Variants in LOXL3 observed in about 807,000 individuals in gnomAD.
LOXL3 encodes lysyl oxidase like 3.
LOXL3 carries 60 observed loss-of-function variants against 91.8 expected under a neutral mutation model. The observed-to-expected ratio is 0.65, with a 90% CI of 0.53 to 0.81. The LOEUF is 0.81. Among genes scored for constraint, LOXL3 ranks in the 30% least tolerant of loss-of-function variants. The pLI, the probability that LOXL3 is intolerant of heterozygous loss-of-function variation, is 0.00. For missense variants in LOXL3, 874 were observed against 1,000.4 expected (o/e 0.87, Z 1.70); for synonymous variants, 355 against 387.6 (o/e 0.92, Z 0.99).
Position 74,549,044 on chromosome 2 carries a change from G to C in LOXL3, c.692+325C>G. 5.1e-6 allele frequency: 1 copy of C among 194,702 alleles called. No individual in the cohort carries two copies. Among genetic ancestry groups the C allele is most frequent in the Non-Finnish European group, 1.0e-5 (1 of 95,890 alleles). 12.1% of individuals were successfully genotyped at this position (194,702 alleles called of 1,614,324 possible). ...CGGAAATCGCTGGCCGGCAGCGCCA[G>C]CGCTGGAATCGCCCCCGCGCCTGGG... On this transcript the variant is annotated intron_variant, in intron 4 of 13. Coordinates refer to ENST00000264094, the MANE Select transcript of LOXL3 (RefSeq NM_032603.5). This position sits in a 1 kb window ranked among gnomAD's most constrained non-coding sequence, Gnocchi z 5.3.
In LOXL3 at chr2:74,533,367, C is replaced by A; in HGVS notation, c.*239G>T. On this transcript the variant is annotated 3_prime_UTR_variant, in exon 14 of 14. Transcript: ENST00000264094. ...GTGCTGCTCTTTGTGGTGTGGTGGG[C>A]TCTGGTCTGTTCTGCTCGGTGCTGG... is the stretch of plus-strand genomic sequence containing the variant. The A allele has an allele frequency of 1.8e-6, 1 of 550,938 alleles. No individual in the cohort carries two copies. 34.1% of individuals were successfully genotyped at this position (550,938 alleles called of 1,614,324 possible).
upstream of LOXL3, chr2:74,554,416 T>G: frequency 2.9e-6 from 1 of 348,682 alleles, no homozygotes; most frequent in Admixed American, 4.6e-5. The surrounding 1 kb of genome is among the most constrained non-coding windows in gnomAD (Gnocchi z 4.9). Flanking sequence ...TTCGGGGTGA[T>G]GTCATGGCTT....
rs537458148 is a variant in LOXL3, at chr2:74,535,935, T to C, written c.1248+61A>G. On this transcript the variant is annotated intron_variant, in intron 7 of 13. Transcript: ENST00000264094. The surrounding 1 kb of genome is among the most constrained non-coding windows in gnomAD (Gnocchi z 4.2). ...GGGCTGGGGGCCATTGGACTGTAGATTGGAGACCAGACCTGGATAGGATGA... is the reference window on the plus strand; with the variant it reads ...GGGCTGGGGGCCATTGGACTGTAGACTGGAGACCAGACCTGGATAGGATGA... The C allele has an allele frequency of 1.3e-6, 2 of 1,515,752 alleles. No individual in the cohort carries two copies. The highest frequency in any genetic ancestry group is 2.2e-5 in the Admixed American group (1 of 45,226). 93.9% of individuals were successfully genotyped at this position (1,515,752 alleles called of 1,614,324 possible). A position where few individuals can be genotyped will look rare whatever the true frequency, so the allele number is the denominator to read the frequency against.
chr2:74,547,013 C>G (rs1245787781), intron 4 of LOXL3, among the ~76,000 whole-genome samples: 1 of 151,912 alleles, frequency 6.6e-6, no homozygotes, highest in East Asian at 1.9e-4. Flanking sequence ...CGTGCCCGGC[C>G]TTAGTTAATT....
At position 74,549,528 on chromosome 2, in the gene LOXL3, C is replaced by A; in HGVS notation, c.533G>T (p.Gly178Val). Reference sequence around the variant, plus strand: ...CTCCGTCACGGGCAGGGGTCGTCTGCCCCACCCAACGGCGGGTCGAATTCG... The same window carrying A: ...CTCCGTCACGGGCAGGGGTCGTCTGACCCACCCAACGGCGGGTCGAATTCG... ...EVRIRPAVGWGRRPLPVTEGL... is the reference protein window; with the variant it reads ...EVRIRPAVGWVRRPLPVTEGL... The change falls in exon 4 of 14, where the codon GGC (glycine) becomes GTC (valine). Residue 178 changes from glycine (G) to valine (V), a missense_variant. Coordinates refer to ENST00000264094, the MANE Select transcript of LOXL3 (RefSeq NM_032603.5). The surrounding 1 kb of genome is among the most constrained non-coding windows in gnomAD (Gnocchi z 5.3). The A allele has an allele frequency of 6.2e-7, 1 of 1,613,104 alleles. No homozygotes were observed. Among genetic ancestry groups the A allele is most frequent in the Admixed American group, 1.7e-5 (1 of 59,994 alleles).
In LOXL3 at chr2:74,534,153, C is replaced by A; in HGVS notation, c.2023G>T (p.Asp675Tyr). The A allele has an allele frequency of 6.2e-7, 1 of 1,614,186 alleles. No individual in the cohort carries two copies. ...GCWDLYRHDI[D>Y]CQWIDITDVK... ...TCCGTGATGTCAATCCACTGACAGT[C>A]AATGTCATGCCGGTAGAGATCCCAG... The change falls in exon 12 of 14, where the codon GAC becomes TAC. Residue 675 changes from aspartate (D) to tyrosine (Y), a missense_variant. Physicochemically the swap from Asp to Tyr is radical, Grantham distance 160. Coordinates refer to ENST00000264094, the MANE Select transcript of LOXL3 (RefSeq NM_032603.5).
chr2:74,547,004 G>A (rs566605627), intron 4 of LOXL3, among the ~76,000 whole-genome samples: 2 of 151,926 alleles, frequency 1.3e-5, no homozygotes, highest in Admixed American at 6.6e-5. Flanking sequence ...GTGAGCCACC[G>A]TGCCCGGCCT....
Position 74,532,854 on chromosome 2 carries a change from A to G in LOXL3, c.*752T>C. 6 of 1,614,150 alleles carry G rather than the reference A, an allele frequency of 3.7e-6. No homozygotes were observed. The highest frequency in any genetic ancestry group is 5.1e-6 in the Non-Finnish European group (6 of 1,180,038). ...GCGGCCTGGTGATGTGATTTTGGCC[A>G]TTGGGGAGCAGATGGTACAAAATGC... On this transcript the variant is annotated 3_prime_UTR_variant, in exon 14 of 14. Coordinates refer to ENST00000264094, the MANE Select transcript of LOXL3 (RefSeq NM_032603.5).
intron 4 of LOXL3, among the ~76,000 whole-genome samples, chr2:74,543,169 G>A (rs996751792): frequency 1.3e-5 from 2 of 152,112 alleles, no homozygotes; most frequent in Admixed American, 1.3e-4. Flanking sequence ...CTGACTCCTA[G>A]GCAGTGTGCC....
In LOXL3 at chr2:74,550,199, A is replaced by G; in HGVS notation, c.463T>C (p.Ser155Pro). 6.2e-7 allele frequency: 1 copy of G among 1,613,706 alleles called. No homozygotes were observed. Among genetic ancestry groups the G allele is most frequent in the South Asian group, 1.1e-5 (1 of 91,044 alleles). Residue 155 changes from serine to proline, a missense_variant, in exon 3 of 14, where the codon TCC (serine) becomes CCC (proline). Coordinates refer to ENST00000264094, the MANE Select transcript of LOXL3 (RefSeq NM_032603.5). The part of the protein sequence containing the change: ...KDQRLPGFSD[S>P]NVIEVEHHLQ... Reference sequence around the variant, plus strand: ...GAAATGCAGACCTCAATGACATTGGAGTCCGAGAAGCCAGGGAGGCGCTGG... The same window carrying G: ...GAAATGCAGACCTCAATGACATTGGGGTCCGAGAAGCCAGGGAGGCGCTGG...
rs1675823128 is a variant in LOXL3 at position 74,533,974 on chromosome 2, A to C, written c.2096T>G (p.Phe699Cys). Residue 699 changes from phenylalanine to cysteine, a missense_variant, in exon 13 of 14, where the codon TTT becomes TGT. Coordinates refer to ENST00000264094, the MANE Select transcript of LOXL3 (RefSeq NM_032603.5). The part of the protein sequence containing the change: ...YILQVVINPN[F>C]EVAESDFTNN... ...GGTAAAGTCACTCTCTGCTACTTCA[A>C]AGTTTGGGTTGATGACAACCTGTGA... 1.9e-6 allele frequency: 3 copies of C among 1,613,936 alleles called. No individual in the cohort carries two copies. The highest frequency in any genetic ancestry group is 1.7e-5 in the Admixed American group (1 of 59,998).
At position 74,549,967 on chromosome 2, in the gene LOXL3, C is replaced by T; in HGVS notation, c.477+218G>A. 1.0e-6 allele frequency: 1 copy of T among 985,458 alleles called. No homozygotes were observed. Among genetic ancestry groups the T allele is most frequent in the South Asian group, 4.7e-5 (1 of 21,286 alleles). 61.0% of individuals were successfully genotyped at this position (985,458 alleles called of 1,614,324 possible). ...GCCCCAGGGGTGACTAGGGATGAAGCTGGAGAGGCTCATGCCAGGTTTAGC... is the reference window on the plus strand; with the variant it reads ...GCCCCAGGGGTGACTAGGGATGAAGTTGGAGAGGCTCATGCCAGGTTTAGC... On this transcript the variant is annotated intron_variant, in intron 3 of 13. Transcript: ENST00000264094. The surrounding 1 kb of genome is among the most constrained non-coding windows in gnomAD (Gnocchi z 5.3).
In LOXL3 at chr2:74,550,178, T is replaced by C; in HGVS notation, c.477+7A>G. The C allele has an allele frequency of 1.2e-6, 2 of 1,611,802 alleles. No individual in the cohort carries two copies. The highest frequency in any genetic ancestry group is 1.7e-6 in the Non-Finnish European group (2 of 1,178,650). ...AGTGTGTGTGTGTATGTCTAGGAAA[T>C]GCAGACCTCAATGACATTGGAGTCC... On this transcript the variant is annotated splice_region_variant and intron_variant, in intron 3 of 13. Coordinates refer to ENST00000264094, the MANE Select transcript of LOXL3 (RefSeq NM_032603.5).
At position 74,536,732 on chromosome 2, in the gene LOXL3, GTTGC is replaced by G; in HGVS notation, c.885_888del (p.Lys295AsnfsTer14). On this transcript the variant is annotated frameshift_variant, in exon 5 of 14. Transcript: ENST00000264094. LOFTEE classifies it high-confidence loss of function. The surrounding 1 kb of genome is among the most constrained non-coding windows in gnomAD (Gnocchi z 4.5). ...ACCTCCCCCTGAGGCTTCGACTGTT[GTTGC>G]TTCTTCTGGCCACTGGATGCCGCGT... 6.2e-7 allele frequency: 1 copy of G among 1,614,214 alleles called. No homozygotes were observed. Among genetic ancestry groups the G allele is most frequent in the East Asian group, 2.2e-5 (1 of 44,882 alleles).
At position 74,533,887 on chromosome 2, in the gene LOXL3, T is replaced by C; in HGVS notation, c.2183A>G (p.His728Arg). 6.2e-7 allele frequency: 1 copy of C among 1,612,254 alleles called. No individual in the cohort carries two copies. The highest frequency in any genetic ancestry group is 2.2e-5 in the East Asian group (1 of 44,866). The part of the protein sequence containing the change: ...DGHRIWVHNC[H>R]IGDAFSEEAN... The stretch of plus-strand genomic sequence containing the variant: ...TTGCTCTTCCCATCAAATACCAATG[T>C]GGCAGTTGTGCACCCAGATTCTATG... The change falls in exon 13 of 14, where the codon CAC (histidine) becomes CGC (arginine). Residue 728 changes from histidine to arginine, a missense_variant. Physicochemically the swap from His to Arg is conservative, Grantham distance 29. Transcript: ENST00000264094.
intron 13 of LOXL3, 73 bp downstream of exon 13, chr2:74,533,809 G>A (rs1030709962): frequency 6.8e-7 from 1 of 1,461,104 alleles, no homozygotes; most frequent in South Asian, 1.2e-5. Flanking sequence ...GGAGAAACAA[G>A]CTATGGAAAA....
chr2:74,549,329 C>G lies in LOXL3; in HGVS notation c.692+40G>C, dbSNP rs554231750. On this transcript the variant is annotated intron_variant, in intron 4 of 13. Coordinates refer to ENST00000264094, the MANE Select transcript of LOXL3 (RefSeq NM_032603.5). This position sits in a 1 kb window ranked among gnomAD's most constrained non-coding sequence, Gnocchi z 5.3. Reference sequence around the variant, plus strand: ...CAAGGCTATTCATCAGGGAGCACCCCAATCCCGGCCTGCTCCGCCCGGCGC... The same window carrying G: ...CAAGGCTATTCATCAGGGAGCACCCGAATCCCGGCCTGCTCCGCCCGGCGC... The G allele has an allele frequency of 6.6e-7, 1 of 1,525,884 alleles. No homozygotes were observed. The highest frequency in any genetic ancestry group is 8.8e-7 in the Non-Finnish European group (1 of 1,131,760). The allele number at this position is 1,525,884 out of a possible 1,614,324, so 94.5% of individuals were successfully genotyped here.
chr2:74,549,589 G>T lies in LOXL3; in HGVS notation c.478-6C>A. The T allele has an allele frequency of 6.2e-7, 1 of 1,600,026 alleles. No individual in the cohort carries two copies. The highest frequency in any genetic ancestry group is 1.7e-5 in the Admixed American group (1 of 59,276). On this transcript the variant is annotated splice_region_variant and splice_polypyrimidine_tract_variant and intron_variant, in intron 3 of 13. Transcript: ENST00000264094. This position sits in a 1 kb window ranked among gnomAD's most constrained non-coding sequence, Gnocchi z 5.3. ...ACTTGCAGGTGATGCTCTACCTGGG[G>T]GCGGGGCCACAAGCAGGGAAAGAAT...
chr2:74,532,711 A>C lies in LOXL3; in HGVS notation c.*895T>G. ...AAAGTCATCCTGGGCTCCCCTGCAC[A>C]CCGGTGAGGGAGAGGCTGCAGTGTG... On this transcript the variant is annotated 3_prime_UTR_variant, in exon 14 of 14. Transcript: ENST00000264094. 6.2e-7 allele frequency: 1 copy of C among 1,613,022 alleles called. No individual in the cohort carries two copies.
Sources: allele counts gnomAD v4.1 joint callset (sites outside exome capture counted in the v4.1 genomes callset), GRCh38; gene constraint gnomAD v4.1.1; non-coding constraint Gnocchi (gnomAD v3.1); transcripts MANE v1.5; gene names NCBI Gene and HGNC (gene_info 2026-07-23, HGNC 2026-07-21).